Variants in MAP4K2 observed in about 807,000 individuals in gnomAD.
The protein encoded by MAP4K2 is B lymphocyte serine/threonine protein kinase.
In MAP4K2, 85 loss-of-function variants were observed where a neutral mutation model predicts 125.3. The observed-to-expected ratio is 0.68, with a 90% CI of 0.57 to 0.81. MAP4K2 has a LOEUF of 0.81. Ranked by LOEUF, MAP4K2 falls within the 40% of genes least tolerant of loss-of-function variation. The pLI, the probability that MAP4K2 is intolerant of heterozygous loss-of-function variation, is 0.00. For synonymous variants in MAP4K2, 479 were observed against 445.1 expected, an observed-to-expected ratio of 1.08 and a Z score of -0.96; for missense variants, 923 against 1,056.4, an observed-to-expected ratio of 0.87 and a Z score of 1.75.
chr11:64,797,001 G>A lies in MAP4K2; in HGVS notation c.1388C>T (p.Pro463Leu). ...ACTTACATGCACCTTGGGAGTTGGG[G>A]GGAGCCCGTGGCAGGATGACCTCTG... The part of the protein sequence containing the change: ...DPERSSCHGL[P>L]PTPKVHMGAC... The change falls in exon 20 of 32, where the codon CCC (proline) becomes CTC (leucine). Residue 463 changes from proline (P) to leucine (L), a missense_variant. Pro to Leu is a moderately conservative substitution (Grantham distance 98, BLOSUM62 -3). Coordinates refer to ENST00000294066, the MANE Select transcript of MAP4K2 (RefSeq NM_004579.5). The A allele has an allele frequency of 6.2e-7, 1 of 1,613,956 alleles. No homozygotes were observed. Among genetic ancestry groups the A allele is most frequent in the Non-Finnish European group, 8.5e-7 (1 of 1,179,960 alleles).
chr11:64,795,525 C>T (rs956712377), intron 24 of MAP4K2, among the ~76,000 whole-genome samples: 1 of 152,056 alleles, frequency 6.6e-6, no homozygotes, highest in Non-Finnish European at 1.5e-5. Context: ...CTCAGCCTCC[C>T]GAGTAGCTGG....
intron 16 of MAP4K2, 37 bp from the exon 17 acceptor site, chr11:64,797,571 G>C: frequency 1.9e-6 from 3 of 1,575,946 alleles, no homozygotes; most frequent in Non-Finnish European, 2.6e-6. Flanking sequence ...CATGAGGTGT[G>C]ACTGGCACCA....
chr11:64,789,993 C>T, intron 29 of MAP4K2, 34 bp from the exon 30 acceptor site: 3 of 1,609,078 alleles, frequency 1.9e-6, no homozygotes, highest in Non-Finnish European at 1.7e-6. Flanking sequence ...GCCCTGCACC[C>T]ATCTTGGCAC....
At chr11:64,797,967 A>G (rs1242512978) in intron 15 of MAP4K2, among the ~76,000 whole-genome samples, 1 of 147,548 alleles carries the variant, frequency 6.8e-6, no homozygotes, top group East Asian at 2.0e-4. Context: ...GGCCTCCCAA[A>G]GTGCTCAGAT....
chr11:64,790,517 A>C, intron 27 of MAP4K2, 55 bp from the exon 28 acceptor site: 4 of 1,519,658 alleles, frequency 2.6e-6, no homozygotes, highest in South Asian at 1.1e-5. Flanking sequence ...CCCCAACCCC[A>C]AGAGGATACG....
At position 64,789,400 on chromosome 11, in the gene MAP4K2, C is replaced by G. The variant is rs1445242443; in HGVS notation, c.*137G>C. ...CCCTCCCCAGGCCTGAAACATTTCT[C>G]AGGATTACTTCTGACCTTCAGCCCC... On this transcript the variant is annotated 3_prime_UTR_variant, in exon 32 of 32. Coordinates refer to ENST00000294066, the MANE Select transcript of MAP4K2 (RefSeq NM_004579.5). 2.2e-5 allele frequency: 16 copies of G among 735,840 alleles called. No individual in the cohort carries two copies. In the South Asian group the frequency reaches 2.3e-4, roughly 11 times the overall value. The allele number at this position is 735,840 out of a possible 1,614,324, so 45.6% of individuals were successfully genotyped here.
Position 64,797,545 on chromosome 11 carries a change from G to A in MAP4K2, c.1137-11C>T. 6.4e-7 allele frequency: 1 copy of A among 1,572,074 alleles called. No homozygotes were observed. The highest frequency in any genetic ancestry group is 8.6e-7 in the Non-Finnish European group (1 of 1,158,036). On this transcript the variant is annotated splice_polypyrimidine_tract_variant and intron_variant, in intron 16 of 31. Coordinates refer to ENST00000294066, the MANE Select transcript of MAP4K2 (RefSeq NM_004579.5). Reference sequence around the variant, plus strand: ...CGAATAGTCAGACTCCTGTGGGAGGGAGATGAGGCGTGAGGCATGAGGTGT... The same window carrying A: ...CGAATAGTCAGACTCCTGTGGGAGGAAGATGAGGCGTGAGGCATGAGGTGT...
intron 24 of MAP4K2, among the ~76,000 whole-genome samples, chr11:64,794,960 A>C (rs751179554): frequency 1.3e-4 from 19 of 151,940 alleles, no homozygotes; most frequent in Non-Finnish European, 2.1e-4. Flanking sequence ...GATCGCGATC[A>C]CAGTTCACTT....
At chr11:64,792,108 C>G (rs772769099) in intron 26 of MAP4K2, 22 bp from the exon 27 acceptor site, 4 of 1,579,984 alleles carry the variant, frequency 2.5e-6, no homozygotes, top group Non-Finnish European at 3.4e-6. Context: ...CAGGGATGCT[C>G]AGGTCTCCAT....
intron 14 of MAP4K2, among the ~76,000 whole-genome samples, chr11:64,799,195 T>G (rs1941009618): frequency 6.6e-6 from 1 of 152,150 alleles, no homozygotes; most frequent in Non-Finnish European, 1.5e-5. Flanking sequence ...GGGAAAGGCA[T>G]GGTCTCTGTG....
chr11:64,794,080 C>T (rs1294601475), intron 24 of MAP4K2, among the ~76,000 whole-genome samples: 2 of 152,192 alleles, frequency 1.3e-5, no homozygotes, highest in Non-Finnish European at 1.5e-5. Context: ...ATGACAATGT[C>T]GGGGGCCCAT....
At chr11:64,792,336 G>GGC in intron 25 of MAP4K2, 28 bp downstream of exon 25, 8 of 614,750 alleles carry the variant, frequency 1.3e-5, no homozygotes, top group Non-Finnish European at 1.9e-5. Flanking sequence ...ACCAGGCCCC[G>GGC]CCCCACCCCG....
chr11:64,798,982 G>A (rs1940996120), intron 14 of MAP4K2, 145 bp from the exon 15 acceptor site: 2 of 719,622 alleles, frequency 2.8e-6, no homozygotes, highest in African/African-American at 1.8e-5. Flanking sequence ...GAGAGAGACA[G>A]ACAGTGGGAG....
In MAP4K2 at chr11:64,800,982, G is replaced by A. The variant is rs746198430; in HGVS notation, c.580C>T (p.Leu194=). Residue 194 remains leucine, a synonymous_variant, in exon 9 of 32, where the codon CTA becomes TTA. Coordinates refer to ENST00000294066, the MANE Select transcript of MAP4K2 (RefSeq NM_004579.5). The part of the protein sequence containing the change: ...AVERKGGYNE[L]CDVWALGITA... Reference sequence around the variant, plus strand: ...ATGCCCAGGGCCCAGACGTCACATAGCTCATTGTAGCCACCTTTGCGCTCC... The same window carrying A: ...ATGCCCAGGGCCCAGACGTCACATAACTCATTGTAGCCACCTTTGCGCTCC... 6 of 1,614,000 alleles carry A rather than the reference G, an allele frequency of 3.7e-6. No homozygotes were observed. The South Asian group carries it at 6.6e-5, about 18-fold the overall frequency.
chr11:64,788,073 A>G lies in MAP4K2; in HGVS notation c.*1464T>C, dbSNP rs1388212272. On this transcript the variant is annotated 3_prime_UTR_variant, in exon 32 of 32. Transcript: ENST00000294066. ...CCCATTCCAGCCAAGAAACCCTCCC[A>G]GTCACTGGACAGAGTCAGAACAGTT... 6.6e-6 allele frequency: 1 copy of G among 152,196 alleles called. No homozygotes were observed. The highest frequency in any genetic ancestry group is 2.4e-5 in the African/African-American group (1 of 41,408). The allele number at this position is 152,196 out of a possible 1,614,324, so 9.4% of individuals were successfully genotyped here. A position where few individuals can be genotyped will look rare whatever the true frequency, so the allele number is the denominator to read the frequency against.
In MAP4K2 at chr11:64,796,521, G is replaced by A. The variant is rs570019033; in HGVS notation, c.1605C>T (p.Cys535=). Residue 535 remains cysteine (C), a synonymous_variant, in exon 23 of 32, where the codon TGC becomes TGT. Transcript: ENST00000294066. ...LISHRCSWLY[C]VNNVLLSLSG... is the part of the protein sequence containing the mutation. Reference sequence around the variant, plus strand: ...AGAGTGACAGCAGCACGTTGTTCACGCAGTAGAGCCAGGAGCAGCGATGTG... The same window carrying A: ...AGAGTGACAGCAGCACGTTGTTCACACAGTAGAGCCAGGAGCAGCGATGTG... 12 of 1,613,916 alleles carry A rather than the reference G, an allele frequency of 7.4e-6. No homozygotes were observed. The highest frequency in any genetic ancestry group is 1.6e-4 in the Middle Eastern group (1 of 6,062).
rs376535923 is a variant in MAP4K2 at position 64,797,338 on chromosome 11, C to T, written c.1213G>A (p.Ala405Thr). The change falls in exon 18 of 32, where the codon GCC becomes ACC. Residue 405 changes from alanine (A) to threonine (T), a missense_variant. Ala to Thr is a moderately conservative substitution (Grantham distance 58, BLOSUM62 0). This residue lies in a region of MAP4K2 where 833 missense variants were observed against 911.4 expected (regional missense o/e 0.91). Transcript: ENST00000294066. ...GTGGGGAGTGGCCCTAGGAACGGGGCCCGCTTGATGGTTCCCATGGTATCG... is the reference window on the plus strand; with the variant it reads ...GTGGGGAGTGGCCCTAGGAACGGGGTCCGCTTGATGGTTCCCATGGTATCG... ...PDDTMGTIKR[A>T]PFLGPLPTDP... 78 of 1,599,526 alleles carry T rather than the reference C, an allele frequency of 4.9e-5. No individual in the cohort carries two copies. In the African/African-American group the frequency reaches 9.0e-4, roughly 18 times the overall value.
At position 64,797,104 on chromosome 11, in the gene MAP4K2, C is replaced by G. The variant is rs372392320; in HGVS notation, c.1365G>C (p.Glu455Asp). The G allele has an allele frequency of 6.2e-7, 1 of 1,614,174 alleles. No homozygotes were observed. The highest frequency in any genetic ancestry group is 8.5e-7 in the Non-Finnish European group (1 of 1,180,022). The change falls in exon 19 of 32, where the codon GAG becomes GAC. Residue 455 changes from glutamate (E) to aspartate (D), a missense_variant and splice_region_variant. By Grantham distance (45) the Glu-to-Asp change is conservative. Coordinates refer to ENST00000294066, the MANE Select transcript of MAP4K2 (RefSeq NM_004579.5). The part of the protein sequence containing the change: ...WATMKQREDP[E>D]RSSCHGLPPT... ...CCACCCCACTGTAGCACCCTCTTACCTCAGGATCCTCCCGCTGCTTCATGG... is the reference window on the plus strand; with the variant it reads ...CCACCCCACTGTAGCACCCTCTTACGTCAGGATCCTCCCGCTGCTTCATGG...
intron 10 of MAP4K2, 121 bp from the exon 11 acceptor site, chr11:64,800,513 C>T (rs942670216): frequency 6.8e-5 from 83 of 1,219,160 alleles, no homozygotes; most frequent in Non-Finnish European, 8.9e-5. Flanking sequence ...AGGAGCCAGC[C>T]GAGGCCAAGG....
Sources: gnomAD v4.1 joint callset for allele counts (sites outside exome capture counted in the v4.1 genomes callset) on GRCh38, gnomAD v4.1.1 for gene constraint, gnomAD v4.1.1 regional missense constraint, MANE v1.5 for transcripts, NCBI Gene and HGNC (gene_info 2026-07-23, HGNC 2026-07-21) for gene names.